The following PRKG1 variants were observed in gnomAD, a reference collection of about 807,000 sequenced individuals.
The protein encoded by PRKG1 is cGMP-dependent protein kinase 1.
A neutral mutation model predicts 88.1 loss-of-function variants in PRKG1; 35 were observed. That is an observed-to-expected ratio of 0.40 (90% CI 0.30 to 0.53). PRKG1 has a LOEUF of 0.53. Ranked by LOEUF, PRKG1 falls within the 20% of genes least tolerant of loss-of-function variation. The probability of loss-of-function intolerance (pLI) is 0.59; values close to 1 mark genes in which losing one functional copy is unlikely to be tolerated. For missense variants in PRKG1, 540 were observed against 839.8 expected (o/e 0.64, Z 4.41); for synonymous variants, 303 against 292.5 (o/e 1.04, Z -0.37).
intron 2 of PRKG1, among the ~76,000 whole-genome samples, chr10:51,381,620 A>G (rs1163248274): frequency 6.6e-6 from 1 of 152,248 alleles, no homozygotes; most frequent in Non-Finnish European, 1.5e-5. Context: ...AGTTAGATTT[A>G]GTAAATCAAG....
intron 9 of PRKG1, among the ~76,000 whole-genome samples, chr10:52,232,957 T>C (rs991862814): frequency 3.3e-5 from 5 of 152,346 alleles, no homozygotes; most frequent in Admixed American, 6.5e-5. Flanking sequence ...GAGAATCCAA[T>C]CAGATACTGT....
intron 2 of PRKG1, among the ~76,000 whole-genome samples, chr10:51,369,170 G>A (rs915628599): frequency 5.9e-5 from 9 of 152,054 alleles, no homozygotes; most frequent in Non-Finnish European, 1.0e-4. Context: ...CATTAGAAGC[G>A]ACTGTTTCTG....
intron 3 of PRKG1, among the ~76,000 whole-genome samples, chr10:51,747,245 G>A (rs148978358): frequency 8.7e-4 from 133 of 152,296 alleles, no homozygotes; most frequent in African/African-American, 3.0e-3. Context: ...CTGAAAATGT[G>A]CAGGTGCTTG....
chr10:51,646,948 A>C (rs1023619092), intron 3 of PRKG1, among the ~76,000 whole-genome samples: 3 of 152,048 alleles, frequency 2.0e-5, no homozygotes, highest in Non-Finnish European at 4.4e-5. Context: ...CCTTGGTGTT[A>C]ATATTTTCCC....
intron 2 of PRKG1, among the ~76,000 whole-genome samples, chr10:51,243,652 G>A (rs1224329103): frequency 1.3e-5 from 2 of 152,166 alleles, no homozygotes; most frequent in African/African-American, 4.8e-5. Flanking sequence ...AATCCATCAT[G>A]GCATGGGCAG....
intron 4 of PRKG1, among the ~76,000 whole-genome samples, chr10:51,859,146 A>G (rs540960379): frequency 6.6e-6 from 1 of 152,290 alleles, no homozygotes; most frequent in South Asian, 2.1e-4. Flanking sequence ...TAAATCCATA[A>G]ATTTGATTCC....
intron 7 of PRKG1, among the ~76,000 whole-genome samples, chr10:52,084,903 C>T (rs1015538084): frequency 1.3e-5 from 2 of 151,924 alleles, no homozygotes; most frequent in African/African-American, 4.8e-5. Context: ...TATGCGACAG[C>T]TTTCTTTGTC....
chr10:51,539,717 C>T (rs1310451842), intron 3 of PRKG1, among the ~76,000 whole-genome samples: 1 of 151,970 alleles, frequency 6.6e-6, no homozygotes, highest in Non-Finnish European at 1.5e-5. Context: ...AATCTTCCAC[C>T]AGAGGAGATA....
intron 5 of PRKG1, among the ~76,000 whole-genome samples, chr10:51,978,399 G>C (rs1843903429): frequency 7.1e-6 from 1 of 141,196 alleles, no homozygotes; most frequent in Non-Finnish European, 1.5e-5. Context: ...TTCCAGCTTT[G>C]TTCTATTTGC....
intron 2 of PRKG1, among the ~76,000 whole-genome samples, chr10:51,376,228 C>T (rs1842813984): frequency 6.6e-6 from 1 of 152,136 alleles, no homozygotes; most frequent in Non-Finnish European, 1.5e-5. Context: ...ATTCATAATT[C>T]AATTAATTAA....
intron 5 of PRKG1, among the ~76,000 whole-genome samples, chr10:51,967,887 T>C (rs1260454309): frequency 6.6e-6 from 1 of 152,154 alleles, no homozygotes; most frequent in African/African-American, 2.4e-5. Flanking sequence ...TTTTCTCAGT[T>C]CATCACCTGC....
chr10:51,726,648 T>C (rs1027325015), intron 3 of PRKG1, among the ~76,000 whole-genome samples: 1 of 152,258 alleles, frequency 6.6e-6, no homozygotes, highest in African/African-American at 2.4e-5. Flanking sequence ...AATTTCCTTA[T>C]GAATATAGTC....
chr10:51,050,980 T>C lies in PRKG1; in HGVS notation c.266+59336T>C, dbSNP rs184744653. Among the ~76,000 whole-genome samples the C allele has an allele frequency of 3.0e-4, 45 of 152,224 alleles. 1 individual carries two copies. The East Asian group carries it at 6.7e-3, about 23-fold the overall frequency. On this transcript the variant is annotated intron_variant, in intron 1 of 17. Transcript: ENST00000401604. ...AGAAATGTCTCTTCAAGTCCTTTGC[T>C]CATTTGCTCACTTTTTATTTTTTGT...
chr10:51,379,491 C>T (rs886837778), intron 2 of PRKG1, among the ~76,000 whole-genome samples: 1 of 152,148 alleles, frequency 6.6e-6, no homozygotes, highest in African/African-American at 2.4e-5. Context: ...GAACATCTTT[C>T]CAATTAATTA....
chr10:51,992,501 T>C, intron 5 of PRKG1, among the ~76,000 whole-genome samples: 1 of 152,128 alleles, frequency 6.6e-6, no homozygotes, highest in East Asian at 1.9e-4. Flanking sequence ...CATTTTTTTT[T>C]CCTATTCCCA....
At chr10:51,811,255 G>A (rs10999579) in intron 4 of PRKG1, among the ~76,000 whole-genome samples, 24,325 of 151,968 alleles carry the variant, frequency 0.16, 2,868 homozygotes, top group African/African-American at 0.33. Context: ...AACTTATTTA[G>A]ATTATTAATT....
intron 2 of PRKG1, among the ~76,000 whole-genome samples, chr10:51,399,132 C>A (rs1289210991): frequency 6.6e-6 from 1 of 151,324 alleles, no homozygotes; most frequent in Non-Finnish European, 1.5e-5. Flanking sequence ...TATATGTATA[C>A]ATATACATGT....
upstream of PRKG1, chr10:51,074,316 C>G (rs541141424): frequency 7.4e-3 from 3,978 of 536,514 alleles, 20 homozygotes; most frequent in Non-Finnish European, 8.1e-3. Flanking sequence ...GCGCCCACCG[C>G]GTCTCAGGTT....
chr10:51,845,062 G>A (rs1049003362), intron 4 of PRKG1, among the ~76,000 whole-genome samples: 1 of 152,136 alleles, frequency 6.6e-6, no homozygotes, highest in Non-Finnish European at 1.5e-5. Flanking sequence ...ATGTAGAAAT[G>A]TAAATGTCTG....
Sources: gnomAD v4.1 joint callset for allele counts (sites outside exome capture counted in the v4.1 genomes callset) on GRCh38, gnomAD v4.1.1 for gene constraint, MANE v1.5 for transcripts, NCBI Gene and HGNC (gene_info 2026-07-23, HGNC 2026-07-21) for gene names.